Variants in DLC1 observed in about 807,000 individuals in gnomAD.
DLC1 encodes rho GTPase-activating protein 7.
DLC1 carries 54 observed loss-of-function variants against 140.3 expected under a neutral mutation model. The observed-to-expected ratio is 0.38, with a 90% CI of 0.31 to 0.48. The LOEUF is 0.48. Among genes scored for constraint, DLC1 ranks in the 20% least tolerant of loss-of-function variants. The pLI is 0.96. For missense variants in DLC1, 2,536 were observed against 1,907.0 expected, an observed-to-expected ratio of 1.33 and a Z score of -6.14; for synonymous variants, 986 against 728.1, an observed-to-expected ratio of 1.35 and a Z score of -5.70.
intron 5 of DLC1, among the ~76,000 whole-genome samples, chr8:13,170,159 C>G (rs1316357202): frequency 1.3e-5 from 2 of 152,110 alleles, no homozygotes; most frequent in Non-Finnish European, 2.9e-5. Flanking sequence ...TTAAGACATG[C>G]TATACTAGAA....
intron 5 of DLC1, among the ~76,000 whole-genome samples, chr8:13,238,766 A>G (rs1249036310): frequency 6.6e-6 from 1 of 152,118 alleles, no homozygotes; most frequent in African/African-American, 2.4e-5. Context: ...AGCAACTGGA[A>G]TTACTCTGAT....
At chr8:13,385,916 G>C (rs1010793200) in intron 4 of DLC1, among the ~76,000 whole-genome samples, 4 of 152,150 alleles carry the variant, frequency 2.6e-5, no homozygotes, top group African/African-American at 9.7e-5. Flanking sequence ...TTAGAGCTTG[G>C]AGACAACTAG....
intron 4 of DLC1, among the ~76,000 whole-genome samples, chr8:13,354,853 A>T (rs1834847399): frequency 6.6e-6 from 1 of 150,718 alleles, no homozygotes; most frequent in Non-Finnish European, 1.5e-5. Flanking sequence ...GGAAGCTGAG[A>T]TGGGAGGATT....
intron 4 of DLC1, among the ~76,000 whole-genome samples, chr8:13,346,587 C>G (rs1834353074): frequency 6.6e-6 from 1 of 152,162 alleles, no homozygotes; most frequent in South Asian, 2.1e-4. Flanking sequence ...ACTTGAGCGG[C>G]AGGTGCCACA....
At chr8:13,187,384 T>C (rs1323508567) in intron 5 of DLC1, among the ~76,000 whole-genome samples, 1 of 152,166 alleles carries the variant, frequency 6.6e-6, no homozygotes, top group East Asian at 1.9e-4. Context: ...CCTAATTTTT[T>C]CACTAGACTA....
At chr8:13,582,878 C>CATATA (rs1461616416) in intron 1 of DLC1, among the ~76,000 whole-genome samples, 1 of 103,062 alleles carries the variant, frequency 9.7e-6, no homozygotes, top group Non-Finnish European at 1.9e-5. Context: ...ATACTGTGGT[C>CATATA]TATATATATA....
intron 5 of DLC1, among the ~76,000 whole-genome samples, chr8:13,233,293 TAAAAAAAAAAAAAAA>T (rs71207134): frequency 2.6e-4 from 18 of 70,388 alleles, no homozygotes; most frequent in African/African-American, 8.7e-4. Flanking sequence ...AGACTCTGTA[TAAAAAAAAAAAAAAA>T]AAAAAAAAAA....
chr8:13,317,137 C>T lies in DLC1; in HGVS notation c.1315-11835G>A, dbSNP rs147911795. ...TGAATTCTGAGCTTTCTGTGAGATGCAGTTTGTAGCACTGACATATTTTCA... is the reference window on the plus strand; with the variant it reads ...TGAATTCTGAGCTTTCTGTGAGATGTAGTTTGTAGCACTGACATATTTTCA... On this transcript the variant is annotated intron_variant, in intron 4 of 17. Coordinates refer to ENST00000276297, the MANE Select transcript of DLC1 (RefSeq NM_182643.3). 7.9e-5 allele frequency among the ~76,000 whole-genome samples: 12 copies of T among 152,246 alleles called. No homozygotes were observed. The East Asian group carries it at 2.3e-3, about 29-fold the overall frequency.
At chr8:13,515,940 C>T (rs1802572332), upstream of DLC1, among the ~76,000 whole-genome samples, 1 of 152,136 alleles carries the variant, frequency 6.6e-6, no homozygotes, top group African/African-American at 2.4e-5. Context: ...CTTTATGACC[C>T]AGAATCCTCT....
intron 8 of DLC1, among the ~76,000 whole-genome samples, chr8:13,102,407 GCA>G (rs1819170565): frequency 6.6e-6 from 1 of 152,080 alleles, no homozygotes; most frequent in Non-Finnish European, 1.5e-5. Context: ...CAGCTTTGAA[GCA>G]CAGTTATTGT....
chr8:13,328,243 T>C (rs904891764), intron 4 of DLC1, among the ~76,000 whole-genome samples: 10 of 152,100 alleles, frequency 6.6e-5, no homozygotes, highest in Non-Finnish European at 1.5e-4. Flanking sequence ...AAGAAGGGGA[T>C]GAGAGTAGAG....
At chr8:13,516,323 C>G (rs1164620917), upstream of DLC1, among the ~76,000 whole-genome samples, 1 of 152,070 alleles carries the variant, frequency 6.6e-6, no homozygotes, top group Non-Finnish European at 1.5e-5. Flanking sequence ...ACTTGTTGGC[C>G]CTAAGATCTA....
chr8:13,246,378 G>C (rs1274431964), intron 5 of DLC1, among the ~76,000 whole-genome samples: 1 of 152,168 alleles, frequency 6.6e-6, no homozygotes, highest in Non-Finnish European at 1.5e-5. Context: ...AGAAAATTAG[G>C]CATTAAGGTG....
At chr8:13,282,794 T>C (rs1831408823) in intron 5 of DLC1, among the ~76,000 whole-genome samples, 1 of 152,202 alleles carries the variant, frequency 6.6e-6, no homozygotes, top group African/African-American at 2.4e-5. Flanking sequence ...ATTGTGGTTA[T>C]TGCAATTCAT....
chr8:13,477,908 C>A (rs979308846), intron 2 of DLC1, among the ~76,000 whole-genome samples: 4 of 152,014 alleles, frequency 2.6e-5, no homozygotes, highest in Non-Finnish European at 5.9e-5. Flanking sequence ...AGGAATGATT[C>A]AGGTAATACC....
intron 1 of DLC1, among the ~76,000 whole-genome samples, chr8:13,543,750 C>A (rs947397958): frequency 6.6e-6 from 1 of 152,078 alleles, no homozygotes; most frequent in African/African-American, 2.4e-5. Flanking sequence ...AATGGAAAAT[C>A]AAATACTGTA....
At chr8:13,240,267 G>C (rs530255918) in intron 5 of DLC1, among the ~76,000 whole-genome samples, 9 of 152,234 alleles carry the variant, frequency 5.9e-5, no homozygotes, top group Non-Finnish European at 1.2e-4. Context: ...AAGAGATTTA[G>C]CCCAGATTCA....
chr8:13,491,282 T>C (rs1320285229), intron 2 of DLC1, among the ~76,000 whole-genome samples: 1 of 152,038 alleles, frequency 6.6e-6, no homozygotes, highest in South Asian at 2.1e-4. Context: ...TTTCAATCTC[T>C]TATTCTATTC....
At chr8:13,363,123 C>T (rs1835315336) in intron 4 of DLC1, among the ~76,000 whole-genome samples, 1 of 152,218 alleles carries the variant, frequency 6.6e-6, no homozygotes. Context: ...ACAAACATCA[C>T]ACAAATATTT....
Sources: gnomAD v4.1 joint callset for allele counts (sites outside exome capture counted in the v4.1 genomes callset) on GRCh38, gnomAD v4.1.1 for gene constraint, MANE v1.5 for transcripts, NCBI Gene and HGNC (gene_info 2026-07-23, HGNC 2026-07-21) for gene names.